ARHGAP26: variants seen among roughly 807,000 people sequenced by gnomAD.
The protein encoded by ARHGAP26 is Rho GTPase activating protein 26.
In ARHGAP26, 38 loss-of-function variants were observed where a neutral mutation model predicts 104.8. That is an observed-to-expected ratio of 0.36 (90% confidence interval 0.28 to 0.48). The LOEUF is 0.48. Among genes scored for constraint, ARHGAP26 ranks in the 20% least tolerant of loss-of-function variants. The probability of loss-of-function intolerance (pLI) is 0.99; values close to 1 mark genes in which losing one functional copy is unlikely to be tolerated. For missense variants in ARHGAP26, 704 were observed against 947.9 expected (o/e 0.74, Z 3.38); for synonymous variants, 341 against 340.0 (o/e 1.00, Z -0.03).
intron 20 of ARHGAP26, among the ~76,000 whole-genome samples, chr5:143,163,432 G>GGTTTGTTT (rs368136971): frequency 0.076 from 11,397 of 150,684 alleles, 497 homozygotes; most frequent in Middle Eastern, 0.1. Context: ...AGGAGTTCTA[G>GGTTTGTTT]GTTTGTTTGT....
intron 11 of ARHGAP26, among the ~76,000 whole-genome samples, chr5:142,984,697 G>T (rs1000739111): frequency 6.6e-6 from 1 of 151,940 alleles, no homozygotes; most frequent in Non-Finnish European, 1.5e-5. Flanking sequence ...GATTATAATG[G>T]AGCTAAAAAA....
At chr5:143,133,847 T>C in intron 18 of ARHGAP26, 120 bp from the exon 19 acceptor site, 1 of 958,472 alleles carries the variant, frequency 1.0e-6, no homozygotes, top group Non-Finnish European at 1.5e-6. Context: ...GCCAGTGGTC[T>C]TCTCGGATCT....
At chr5:142,983,291 C>A (rs1258965127) in intron 11 of ARHGAP26, among the ~76,000 whole-genome samples, 1 of 152,166 alleles carries the variant, frequency 6.6e-6, no homozygotes, top group Non-Finnish European at 1.5e-5. Context: ...ATTGCAACCT[C>A]CACCTCCCGG....
chr5:142,790,749 G>A (rs73286416), intron 1 of ARHGAP26, among the ~76,000 whole-genome samples: 2,611 of 152,204 alleles, frequency 0.017, 65 homozygotes, highest in Middle Eastern at 0.048. Flanking sequence ...CTGTTCCTCT[G>A]GAATGCCTTT....
intron 11 of ARHGAP26, among the ~76,000 whole-genome samples, chr5:142,940,876 A>C (rs567420198): frequency 6.6e-6 from 1 of 152,058 alleles, no homozygotes; most frequent in Non-Finnish European, 1.5e-5. Context: ...GGAGATCGAG[A>C]CCATCCTGGC....
intron 18 of ARHGAP26, among the ~76,000 whole-genome samples, chr5:143,126,823 G>A (rs1050064008): frequency 1.3e-5 from 2 of 152,160 alleles, no homozygotes; most frequent in Non-Finnish European, 2.9e-5. Flanking sequence ...CTCTTCCCAC[G>A]CTATGTTAAG....
intron 5 of ARHGAP26, among the ~76,000 whole-genome samples, chr5:142,893,164 G>A (rs1178027126): frequency 1.3e-5 from 2 of 151,992 alleles, no homozygotes; most frequent in African/African-American, 2.4e-5. Context: ...TTTTAGTAGA[G>A]ATGGGGTTTC....
chr5:143,160,685 A>G (rs900639510), intron 20 of ARHGAP26, among the ~76,000 whole-genome samples: 3 of 151,618 alleles, frequency 2.0e-5, no homozygotes, highest in South Asian at 2.1e-4. Context: ...GGGTCTTGCT[A>G]TGTCGCCCAG....
At chr5:142,962,694 G>A (rs252221) in intron 11 of ARHGAP26, among the ~76,000 whole-genome samples, 57,369 of 151,832 alleles carry the variant, frequency 0.38, 12,132 homozygotes, top group East Asian at 0.78. Context: ...TGAGTGTGAG[G>A]TAAGTAACCT....
chr5:143,224,251 G>A lies in ARHGAP26; in HGVS notation c.*1805G>A. ...AGAAGTATGTTTAAGAGGGAGAGAG[G>A]GGAGGCAAAGCTGAAGAGAGTCAAG... On this transcript the variant is annotated 3_prime_UTR_variant, in exon 23 of 23. Coordinates refer to ENST00000645722, the MANE Select transcript of ARHGAP26 (RefSeq NM_001135608.3). The A allele has an allele frequency of 4.3e-6, 1 of 231,982 alleles. No individual in the cohort carries two copies. The highest frequency in any genetic ancestry group is 6.1e-5 in the East Asian group (1 of 16,388). The allele number at this position is 231,982 out of a possible 1,614,324, so 14.4% of individuals were successfully genotyped here. A position where few individuals can be genotyped will look rare whatever the true frequency, so the allele number is the denominator to read the frequency against.
intron 1 of ARHGAP26, among the ~76,000 whole-genome samples, chr5:142,774,414 CTT>C (rs560578736): frequency 4.2e-5 from 6 of 142,480 alleles, no homozygotes; most frequent in Non-Finnish European, 9.3e-5. Context: ...CATTAATGGA[CTT>C]TTTTTTTTTT....
intron 20 of ARHGAP26, among the ~76,000 whole-genome samples, chr5:143,205,706 C>CT (rs1213158481): frequency 6.6e-6 from 1 of 152,194 alleles, no homozygotes; most frequent in Non-Finnish European, 1.5e-5. Flanking sequence ...TACTTATAGG[C>CT]TGGGTATCCT....
chr5:142,772,346 C>T (rs183534157), intron 1 of ARHGAP26, among the ~76,000 whole-genome samples: 4 of 152,342 alleles, frequency 2.6e-5, no homozygotes, highest in Non-Finnish European at 5.9e-5. Flanking sequence ...TGTCAATAAT[C>T]AAGGCCATTC....
chr5:143,021,532 G>C (rs140704199), intron 12 of ARHGAP26, among the ~76,000 whole-genome samples: 5 of 152,272 alleles, frequency 3.3e-5, no homozygotes, highest in African/African-American at 1.2e-4. Flanking sequence ...ATTCCGCCAC[G>C]TGGATTAGAG....
At chr5:143,177,892 TG>T (rs1209350985) in intron 20 of ARHGAP26, among the ~76,000 whole-genome samples, 4 of 151,376 alleles carry the variant, frequency 2.6e-5, no homozygotes, top group South Asian at 4.2e-4. Flanking sequence ...GAAAGCATGA[TG>T]AGTGCAGGGC....
chr5:142,919,435 TTGA>T, intron 10 of ARHGAP26: 1 of 398,560 alleles, frequency 2.5e-6, no homozygotes, highest in Non-Finnish European at 4.4e-6. Flanking sequence ...TAAATTTCTG[TTGA>T]TTAAGCCAGC....
intron 1 of ARHGAP26, among the ~76,000 whole-genome samples, chr5:142,788,151 C>G (rs1759041371): frequency 6.6e-6 from 1 of 151,996 alleles, no homozygotes; most frequent in Non-Finnish European, 1.5e-5. Context: ...CAGGCACGTG[C>G]CACCATGCCC....
At chr5:143,134,499 A>G (rs1177029351) in intron 19 of ARHGAP26, among the ~76,000 whole-genome samples, 5 of 152,290 alleles carry the variant, frequency 3.3e-5, no homozygotes, top group African/African-American at 1.2e-4. Context: ...AGTGTGAGTC[A>G]CATGCCCTAC....
intron 1 of ARHGAP26, chr5:142,868,935 G>A (rs1170521369): frequency 6.5e-6 from 1 of 152,712 alleles, no homozygotes; most frequent in African/African-American, 2.4e-5. Flanking sequence ...CAGGTTTGGA[G>A]GGACACTGTG....
Sources: allele counts gnomAD v4.1 joint callset (sites outside exome capture counted in the v4.1 genomes callset), GRCh38; gene constraint gnomAD v4.1.1; transcripts MANE v1.5; gene names NCBI Gene and HGNC (gene_info 2026-07-23, HGNC 2026-07-21).